The following MB21D2 variants were observed in gnomAD, a reference collection of about 807,000 sequenced individuals.
MB21D2 encodes the protein nucleotidyltransferase MB21D2.
Under a neutral mutation model 33.3 loss-of-function variants are expected in MB21D2, and 9 were observed. That is an observed-to-expected ratio of 0.27 (90% CI 0.16 to 0.47). MB21D2 has a LOEUF of 0.47. MB21D2 is among the 20% of genes least tolerant of loss of function. The pLI is 0.99. For synonymous variants in MB21D2, 241 were observed against 236.3 expected (o/e 1.02, Z -0.18); for missense variants, 540 against 624.6 (o/e 0.86, Z 1.44).
intron 1 of MB21D2, among the ~76,000 whole-genome samples, chr3:192,824,492 A>AAAATAAATAAATAAAT (rs61642372): frequency 2.0e-4 from 29 of 147,596 alleles, no homozygotes; most frequent in Admixed American, 1.1e-3. Flanking sequence ...CTGATTTCTG[A>AAAATAAATAAATAAAT]AAATAAATAA....
At chr3:192,835,091 A>G (rs1348851734) in intron 1 of MB21D2, among the ~76,000 whole-genome samples, 2 of 145,224 alleles carry the variant, frequency 1.4e-5, no homozygotes, top group Admixed American at 6.9e-5. Context: ...GACAGGCGTG[A>G]GCCACCACGC....
At chr3:192,893,914 T>C (rs2095302459) in intron 1 of MB21D2, among the ~76,000 whole-genome samples, 1 of 152,140 alleles carries the variant, frequency 6.6e-6, no homozygotes, top group Non-Finnish European at 1.5e-5. Context: ...TCTGTGCCTA[T>C]AGTCCCAGCT....
At chr3:192,880,082 C>T (rs551015885) in intron 1 of MB21D2, among the ~76,000 whole-genome samples, 71 of 152,196 alleles carry the variant, frequency 4.7e-4, no homozygotes, top group Non-Finnish European at 9.9e-4. Flanking sequence ...CAGTGGCTCA[C>T]GTCTGTAATC....
chr3:192,868,512 G>GTT (rs11452972), intron 1 of MB21D2, among the ~76,000 whole-genome samples: 24 of 148,386 alleles, frequency 1.6e-4, no homozygotes, highest in African/African-American at 5.6e-4. Context: ...TTTGTATTAA[G>GTT]TTTTTTTTTT....
chr3:192,898,216 T>G (rs2108650172), intron 1 of MB21D2, among the ~76,000 whole-genome samples: 1 of 118,726 alleles, frequency 8.4e-6, no homozygotes, highest in South Asian at 2.9e-4. Flanking sequence ...AACACATGAA[T>G]CTCACGTATT....
intron 1 of MB21D2, among the ~76,000 whole-genome samples, chr3:192,826,024 G>A (rs977702070): frequency 2.6e-5 from 4 of 152,156 alleles, no homozygotes; most frequent in Non-Finnish European, 4.4e-5. Context: ...CTGGTGCTGG[G>A]AAACTGTCTA....
chr3:192,809,264 T>G (rs1239145025), intron 1 of MB21D2, among the ~76,000 whole-genome samples: 1 of 152,182 alleles, frequency 6.6e-6, no homozygotes, highest in East Asian at 1.9e-4. Flanking sequence ...TCTGGCTAAT[T>G]TTTGTATTTT....
chr3:192,819,784 TACTC>T (rs977605053), intron 1 of MB21D2, among the ~76,000 whole-genome samples: 1 of 152,218 alleles, frequency 6.6e-6, no homozygotes, highest in Non-Finnish European at 1.5e-5. Flanking sequence ...TCGCCAACTG[TACTC>T]ACTTGTTCAA....
intron 1 of MB21D2, among the ~76,000 whole-genome samples, chr3:192,836,689 A>G (rs1712446507): frequency 6.6e-6 from 1 of 152,158 alleles, no homozygotes; most frequent in African/African-American, 2.4e-5. Flanking sequence ...GTGAGAAAAC[A>G]AATTTCTGCT....
intron 1 of MB21D2, among the ~76,000 whole-genome samples, chr3:192,846,725 T>C (rs564710131): frequency 1.3e-5 from 2 of 152,100 alleles, no homozygotes; most frequent in South Asian, 4.2e-4. Context: ...AAACGTGCAC[T>C]ACTGAGAAGC....
intron 1 of MB21D2, among the ~76,000 whole-genome samples, chr3:192,903,874 T>C (rs988906518): frequency 6.6e-6 from 1 of 152,206 alleles, no homozygotes; most frequent in African/African-American, 2.4e-5. Flanking sequence ...CCATGTGAAG[T>C]GCCTGCTGCC....
intron 1 of MB21D2, 47 bp downstream of exon 1, chr3:192,917,583 C>T (rs1714497140): frequency 1.3e-6 from 2 of 1,593,424 alleles, no homozygotes; most frequent in Non-Finnish European, 1.7e-6. Context: ...CTCCGCTTCC[C>T]ATCACACACA....
chr3:192,865,020 C>A (rs188288337), intron 1 of MB21D2, among the ~76,000 whole-genome samples: 1 of 152,322 alleles, frequency 6.6e-6, no homozygotes, highest in East Asian at 1.9e-4. Flanking sequence ...TCACCCCCAA[C>A]AGATTTTTAA....
chr3:192,883,181 A>T (rs1713644484), intron 1 of MB21D2, among the ~76,000 whole-genome samples: 1 of 152,034 alleles, frequency 6.6e-6, no homozygotes, highest in Non-Finnish European at 1.5e-5. Flanking sequence ...CCAGTTTCAT[A>T]TCTAACCTAG....
intron 1 of MB21D2, among the ~76,000 whole-genome samples, chr3:192,812,208 C>T (rs975253664): frequency 2.6e-4 from 39 of 152,034 alleles, no homozygotes; most frequent in Middle Eastern, 3.4e-3. Context: ...CCACCACGCC[C>T]GGCTAATTTT....
chr3:192,872,343 G>A (rs532100857), intron 1 of MB21D2, among the ~76,000 whole-genome samples: 2 of 152,198 alleles, frequency 1.3e-5, no homozygotes, highest in Admixed American at 6.5e-5. Flanking sequence ...TTGGGAGGCC[G>A]AGGCGGGCAG....
intron 1 of MB21D2, among the ~76,000 whole-genome samples, chr3:192,916,007 G>A (rs1474610784): frequency 6.6e-6 from 1 of 151,950 alleles, no homozygotes; most frequent in Non-Finnish European, 1.5e-5. Context: ...AGCCTTCTGT[G>A]TGTGGCCCCA....
intron 1 of MB21D2, among the ~76,000 whole-genome samples, chr3:192,866,610 GAATT>G (rs568091552): frequency 2.6e-5 from 4 of 152,030 alleles, no homozygotes; most frequent in Non-Finnish European, 5.9e-5. Flanking sequence ...ATTTAATTCT[GAATT>G]AATTTATTCT....
intron 1 of MB21D2, among the ~76,000 whole-genome samples, chr3:192,863,294 G>C (rs1157342864): frequency 1.3e-5 from 2 of 152,102 alleles, no homozygotes; most frequent in African/African-American, 2.4e-5. Flanking sequence ...AACTGTGAGG[G>C]AACACATCTG....
Sources: gnomAD v4.1 joint callset for allele counts (sites outside exome capture counted in the v4.1 genomes callset) on GRCh38, gnomAD v4.1.1 for gene constraint, MANE v1.5 for transcripts, NCBI Gene and HGNC (gene_info 2026-07-23, HGNC 2026-07-21) for gene names.